Variants in PDE4D observed in about 807,000 individuals in gnomAD.
The protein encoded by PDE4D is 3',5'-cyclic-AMP phosphodiesterase 4D.
Under a neutral mutation model 87.4 loss-of-function variants are expected in PDE4D, and 24 were observed. That is an observed-to-expected ratio of 0.27 (90% CI 0.20 to 0.39). The LOEUF (loss-of-function observed/expected upper bound fraction) is 0.39. PDE4D is among the 10% of genes least tolerant of loss of function. PDE4D has a pLI of 1.00. For missense variants in PDE4D, 714 were observed against 1,041.0 expected (o/e 0.69, Z 4.32); for synonymous variants, 384 against 383.2 (o/e 1.00, Z -0.02).
intron 1 of PDE4D, among the ~76,000 whole-genome samples, chr5:59,730,656 T>C (rs994967701): frequency 2.0e-5 from 3 of 152,112 alleles, no homozygotes; most frequent in Non-Finnish European, 2.9e-5. Flanking sequence ...ATGTGTCCAT[T>C]TGGCATCTTC....
At chr5:59,392,566 T>A (rs1444433880) in intron 1 of PDE4D, among the ~76,000 whole-genome samples, 1 of 151,194 alleles carries the variant, frequency 6.6e-6, no homozygotes, top group East Asian at 1.9e-4. Context: ...ATATACCTTG[T>A]CATATTTATT....
At chr5:59,965,052 C>T (rs1402148203) in intron 3 of PDE4D, among the ~76,000 whole-genome samples, 1 of 152,186 alleles carries the variant, frequency 6.6e-6, no homozygotes, top group East Asian at 1.9e-4. Flanking sequence ...CAATGACCTG[C>T]ATCTGTGCCC....
chr5:59,220,588 A>G (rs139561270), intron 1 of PDE4D, among the ~76,000 whole-genome samples: 1 of 152,194 alleles, frequency 6.6e-6, no homozygotes, highest in East Asian at 1.9e-4. Flanking sequence ...TAGTAAGTTA[A>G]CTGAGAATTA....
intron 2 of PDE4D, among the ~76,000 whole-genome samples, chr5:60,113,108 A>G (rs1023039746): frequency 6.6e-6 from 1 of 152,010 alleles, no homozygotes; most frequent in African/African-American, 2.4e-5. Context: ...AAAATTTTAT[A>G]CTCCAATAAT....
At chr5:59,110,640 A>G (rs1317286243) in intron 5 of PDE4D, among the ~76,000 whole-genome samples, 1 of 152,092 alleles carries the variant, frequency 6.6e-6, no homozygotes, top group Non-Finnish European at 1.5e-5. Context: ...GGGAGGCTGA[A>G]GCAGGTGGAT....
intron 1 of PDE4D, among the ~76,000 whole-genome samples, chr5:59,394,309 T>C (rs532639768): frequency 3.3e-5 from 5 of 152,336 alleles, no homozygotes; most frequent in South Asian, 2.1e-4. Context: ...GAAAGGGAAA[T>C]TGGCAAATCT....
At chr5:60,120,783 T>C (rs1463977155) in intron 2 of PDE4D, among the ~76,000 whole-genome samples, 1 of 152,154 alleles carries the variant, frequency 6.6e-6, no homozygotes, top group Non-Finnish European at 1.5e-5. Flanking sequence ...GGTTGCCTAG[T>C]AATGGCTTTT....
At chr5:60,497,999 A>G (rs1382404192) in intron 1 of PDE4D, among the ~76,000 whole-genome samples, 1 of 152,228 alleles carries the variant, frequency 6.6e-6, no homozygotes, top group African/African-American at 2.4e-5. Context: ...CGTCTGCTTC[A>G]GAAATAGGTC....
At chr5:60,120,189 A>G (rs956257251) in intron 2 of PDE4D, among the ~76,000 whole-genome samples, 1 of 152,206 alleles carries the variant, frequency 6.6e-6, no homozygotes, top group Non-Finnish European at 1.5e-5. Flanking sequence ...TTCTTCTCCA[A>G]TATGTCCATT....
intron 1 of PDE4D, among the ~76,000 whole-genome samples, chr5:60,410,456 C>T (rs115191003): frequency 0.021 from 3,216 of 152,290 alleles, 107 homozygotes; most frequent in African/African-American, 0.073. Context: ...AAAATCAATA[C>T]ATCAGACTAA....
chr5:60,191,476 C>T (rs539022369), intron 1 of PDE4D, among the ~76,000 whole-genome samples: 1 of 152,098 alleles, frequency 6.6e-6, no homozygotes, highest in Admixed American at 6.5e-5. Context: ...CTCCTTCCTG[C>T]CTCCTTGTGA....
chr5:59,999,947 A>G (rs777811732), intron 2 of PDE4D, among the ~76,000 whole-genome samples: 2 of 152,026 alleles, frequency 1.3e-5, no homozygotes, highest in Non-Finnish European at 2.9e-5. Context: ...AAAGTTCACT[A>G]GAGCATTTCA....
At chr5:59,453,374 A>G (rs940540299) in intron 1 of PDE4D, among the ~76,000 whole-genome samples, 4 of 152,222 alleles carry the variant, frequency 2.6e-5, no homozygotes, top group Admixed American at 1.3e-4. Context: ...TTTAAATAAA[A>G]AGCTAGAAAA....
At chr5:59,586,693 T>A (rs1003820041) in intron 1 of PDE4D, 2 of 985,260 alleles carry the variant, frequency 2.0e-6, no homozygotes, top group African/African-American at 3.5e-5. Context: ...GCAAATATTG[T>A]CCTGGTAAAA....
intron 1 of PDE4D, among the ~76,000 whole-genome samples, chr5:59,617,847 T>G (rs1025098100): frequency 6.6e-6 from 1 of 152,162 alleles, no homozygotes; most frequent in Non-Finnish European, 1.5e-5. Flanking sequence ...CATACACCAC[T>G]CATTCCTCAA....
At chr5:60,441,332 T>C (rs1396420797) in intron 1 of PDE4D, among the ~76,000 whole-genome samples, 1 of 152,048 alleles carries the variant, frequency 6.6e-6, no homozygotes, top group Non-Finnish European at 1.5e-5. Flanking sequence ...AAACAAGCAA[T>C]GGGGAAAGGA....
At chr5:59,560,258 T>C (rs972214578) in intron 1 of PDE4D, among the ~76,000 whole-genome samples, 5 of 152,228 alleles carry the variant, frequency 3.3e-5, no homozygotes, top group African/African-American at 1.2e-4. Flanking sequence ...GATAAAACTG[T>C]AGGTAAAGTT....
At chr5:59,360,827 T>C (rs1304790553) in intron 1 of PDE4D, among the ~76,000 whole-genome samples, 1 of 152,130 alleles carries the variant, frequency 6.6e-6, no homozygotes, top group African/African-American at 2.4e-5. Context: ...CCCATGGTCT[T>C]AAGAACACTG....
At chr5:60,413,174 T>C (rs1017911997) in intron 1 of PDE4D, among the ~76,000 whole-genome samples, 4 of 152,332 alleles carry the variant, frequency 2.6e-5, no homozygotes, top group Non-Finnish European at 2.9e-5. Flanking sequence ...ACATACTTCC[T>C]AGATTATATT....
Sources: gnomAD v4.1 joint callset for allele counts (sites outside exome capture counted in the v4.1 genomes callset) on GRCh38, gnomAD v4.1.1 for gene constraint, MANE v1.5 for transcripts, NCBI Gene and HGNC (gene_info 2026-07-23, HGNC 2026-07-21) for gene names.